Variants in MON1A observed in about 807,000 individuals in gnomAD.
MON1A encodes MON1 vesicular trafficking associated A.
MON1A carries 29 observed loss-of-function variants against 44.6 expected under a neutral mutation model. The observed-to-expected ratio is 0.65, with a 90% CI of 0.48 to 0.89. The LOEUF (loss-of-function observed/expected upper bound fraction) is 0.89. Ranked by LOEUF, MON1A falls within the 40% of genes least tolerant of loss-of-function variation. MON1A has a pLI of 0.00. For synonymous variants in MON1A, 275 were observed against 316.4 expected, an observed-to-expected ratio of 0.87 and a Z score of 1.39; for missense variants, 615 against 759.6, an observed-to-expected ratio of 0.81 and a Z score of 2.24.
At chr3:49,917,170 C>T (rs1470445602) in intron 1 of MON1A, among the ~76,000 whole-genome samples, 1 of 152,186 alleles carries the variant, frequency 6.6e-6, no homozygotes, top group Non-Finnish European at 1.5e-5. Context: ...CCATGTTGCT[C>T]AGGCTGGTCT....
rs755432755 is a variant in MON1A at position 49,909,068 on chromosome 3, G to T, written c.1614C>A (p.Arg538=). The change falls in exon 6 of 6, where the codon CGC becomes CGA. Residue 538 remains arginine (R), a synonymous_variant. Transcript: ENST00000296473. The surrounding 1 kb of genome is among the most constrained non-coding windows in gnomAD (Gnocchi z 4.0). ...GGCGGTCTTCCTCTTTGCGGATCCA[G>T]CGCATCAGCTTATGGATGGCACTGA... ...SAVSAIHKLM[R]WIRKEEDRLF... 1.1e-5 allele frequency: 18 copies of T among 1,613,858 alleles called. No individual in the cohort carries two copies. Among genetic ancestry groups the T allele is most frequent in the Non-Finnish European group, 1.4e-5 (17 of 1,179,932 alleles).
At chr3:49,920,377 A>G (rs2082985618) in intron 1 of MON1A, among the ~76,000 whole-genome samples, 1 of 152,054 alleles carries the variant, frequency 6.6e-6, no homozygotes, top group Non-Finnish European at 1.5e-5. Flanking sequence ...TCTTCACTCA[A>G]TCCCTTGGTG....
intron 1 of MON1A, among the ~76,000 whole-genome samples, chr3:49,920,315 G>T (rs2082985058): frequency 1.3e-5 from 2 of 152,014 alleles, no homozygotes; most frequent in South Asian, 4.1e-4. Context: ...AGTCCTTTTT[G>T]CAGTTCTTAC....
chr3:49,922,501 A>AGGAGGGAAGGAGGGAGGGAG (rs1460113012), intron 1 of MON1A, among the ~76,000 whole-genome samples: 1 of 122,336 alleles, frequency 8.2e-6, no homozygotes, highest in Non-Finnish European at 1.7e-5. Context: ...GAAGGAAGGA[A>AGGAGGGAAGGAGGGAGGGAG]GGAGGGAAGG....
chr3:49,920,088 C>T (rs1328955955), intron 1 of MON1A, among the ~76,000 whole-genome samples: 2 of 152,232 alleles, frequency 1.3e-5, no homozygotes, highest in Non-Finnish European at 2.9e-5. Context: ...CTCCATTTCT[C>T]CCATTCTCTC....
At chr3:49,915,288 T>C (rs2082934025) in intron 1 of MON1A, among the ~76,000 whole-genome samples, 1 of 152,198 alleles carries the variant, frequency 6.6e-6, no homozygotes, top group South Asian at 2.1e-4. Context: ...TTAGCAAAGA[T>C]TGGAGGCCAA....
intron 1 of MON1A, among the ~76,000 whole-genome samples, chr3:49,917,980 G>A (rs934438559): frequency 2.0e-5 from 3 of 151,688 alleles, no homozygotes; most frequent in Admixed American, 1.3e-4. Flanking sequence ...CCCGGGAGGC[G>A]GAAGTTGTGG....
intron 1 of MON1A, among the ~76,000 whole-genome samples, chr3:49,918,057 C>T (rs2082962991): frequency 6.7e-6 from 1 of 148,580 alleles, no homozygotes; most frequent in African/African-American, 2.5e-5. Context: ...AACAAGAAGG[C>T]CAGGCGCGGT....
chr3:49,924,296 G>A (rs1387796175), intron 1 of MON1A, among the ~76,000 whole-genome samples: 2 of 152,114 alleles, frequency 1.3e-5, no homozygotes, highest in African/African-American at 4.8e-5. Context: ...ATGGTCTCTA[G>A]TAATCCTCAA....
In MON1A at chr3:49,910,445, GA is replaced by G; in HGVS notation, c.1052del (p.Leu351ProfsTer35). The part of the protein sequence containing the change: ...HPIDLHLLFN[L>X]ISSSSSFREG... ...CGCGAAAGGACGAGGAGGAACTAAT[GA>G]GGTTGAAGAGCAGGTGCAGGTCGAT... On this transcript the variant is annotated frameshift_variant, in exon 4 of 6. Transcript: ENST00000296473. LOFTEE classifies it high-confidence loss of function. The surrounding 1 kb of genome is among the most constrained non-coding windows in gnomAD (Gnocchi z 8.0). 1.2e-6 allele frequency: 2 copies of G among 1,614,252 alleles called. No individual in the cohort carries two copies. Among genetic ancestry groups the G allele is most frequent in the Non-Finnish European group, 1.7e-6 (2 of 1,180,044 alleles).
chr3:49,928,825 G>C (rs1419208950), intron 1 of MON1A, among the ~76,000 whole-genome samples: 1 of 152,116 alleles, frequency 6.6e-6, no homozygotes, highest in Non-Finnish European at 1.5e-5. Context: ...TTCCCTCCCT[G>C]ACAAAGGGTG....
At position 49,910,161 on chromosome 3, in the gene MON1A, C is replaced by G. The variant is rs776943755; in HGVS notation, c.1337G>C (p.Arg446Pro). 2.5e-6 allele frequency: 4 copies of G among 1,608,152 alleles called. No individual in the cohort carries two copies. The highest frequency in any genetic ancestry group is 3.4e-6 in the Non-Finnish European group (4 of 1,175,332). ...SVAQVGIPDLRHFLYKSKSSG... is the reference protein window; with the variant it reads ...SVAQVGIPDLPHFLYKSKSSG... Reference sequence around the variant, plus strand: ...GCTCTTTGACTTATAGAGGAAGTGACGCAGGTCAGGGATGCCCACTTGGGC... The same window carrying G: ...GCTCTTTGACTTATAGAGGAAGTGAGGCAGGTCAGGGATGCCCACTTGGGC... Residue 446 changes from arginine to proline, a missense_variant, in exon 4 of 6, where the codon CGT (arginine) becomes CCT (proline). By Grantham distance (103) the Arg-to-Pro change is moderately radical. Transcript: ENST00000296473. The surrounding 1 kb of genome is among the most constrained non-coding windows in gnomAD (Gnocchi z 8.0).
chr3:49,914,386 C>G (rs1332079065), intron 1 of MON1A, among the ~76,000 whole-genome samples: 1 of 150,222 alleles, frequency 6.7e-6, no homozygotes, highest in Non-Finnish European at 1.5e-5. Context: ...CCCCACCTTT[C>G]TTTTCTGAAA....
In MON1A at chr3:49,909,509, A is replaced by G; in HGVS notation, c.1380-109T>C. ...CCAGGAAGACTCTATCTTATGTCCT[A>G]CCCTCCAGGTGCTCCCTTAGGACAG... On this transcript the variant is annotated intron_variant, in intron 4 of 5. Coordinates refer to ENST00000296473, the MANE Select transcript of MON1A (RefSeq NM_032355.4). This position sits in a 1 kb window ranked among gnomAD's most constrained non-coding sequence, Gnocchi z 4.0. 7.0e-7 allele frequency: 1 copy of G among 1,438,382 alleles called. No homozygotes were observed. Among genetic ancestry groups the G allele is most frequent in the Non-Finnish European group, 9.4e-7 (1 of 1,058,824 alleles). The allele number at this position is 1,438,382 out of a possible 1,614,324, so 89.1% of individuals were successfully genotyped here. A position where few individuals can be genotyped will look rare whatever the true frequency, so the allele number is the denominator to read the frequency against.
chr3:49,924,185 T>C (rs2083029234), intron 1 of MON1A: 1 of 152,206 alleles, frequency 6.6e-6, no homozygotes, highest in African/African-American at 2.4e-5. Flanking sequence ...GTTAGCTCTA[T>C]TTCAGAATAC....
chr3:49,908,939 C>T lies in MON1A; in HGVS notation c.*75G>A. 1 of 1,506,644 alleles carries T rather than the reference C, an allele frequency of 6.6e-7. No individual in the cohort carries two copies. The highest frequency in any genetic ancestry group is 8.9e-7 in the Non-Finnish European group (1 of 1,117,648). The allele number at this position is 1,506,644 out of a possible 1,614,324, so 93.3% of individuals were successfully genotyped here. A position where few individuals can be genotyped will look rare whatever the true frequency, so the allele number is the denominator to read the frequency against. On this transcript the variant is annotated 3_prime_UTR_variant, in exon 6 of 6. Transcript: ENST00000296473. ...TGCCCGCTGGCTGGGCAAGAGAGGC[C>T]AGCCCCCATCTGGAGGCTCCTATGG...
At chr3:49,929,449 G>A in intron 1 of MON1A, 160 bp downstream of exon 1, 1 of 826,640 alleles carries the variant, frequency 1.2e-6, no homozygotes, top group Admixed American at 2.6e-5. Context: ...TCCCCAGCTG[G>A]GGACTAGCCG....
chr3:49,929,388 G>A (rs1042505635), intron 1 of MON1A: 5 of 612,358 alleles, frequency 8.2e-6, no homozygotes, highest in South Asian at 7.9e-5. Context: ...GCCCCCTACC[G>A]GATCTCGCCC....
Position 49,913,361 on chromosome 3 carries a change from T to G in MON1A, c.-13-2A>C. ...TCAGTAGCCATCCTTTGAGCTCTCCTGTGGGGCAAACAAATGCAACATCGA... is the reference window on the plus strand; with the variant it reads ...TCAGTAGCCATCCTTTGAGCTCTCCGGTGGGGCAAACAAATGCAACATCGA... On this transcript the variant is annotated splice_acceptor_variant, in intron 1 of 5. Transcript: ENST00000296473. LOFTEE classifies it low-confidence loss of function (5UTR_SPLICE). 6.2e-7 allele frequency: 1 copy of G among 1,604,348 alleles called. No individual in the cohort carries two copies. The highest frequency in any genetic ancestry group is 8.5e-7 in the Non-Finnish European group (1 of 1,172,046).
Sources: gnomAD v4.1 joint callset for allele counts (sites outside exome capture counted in the v4.1 genomes callset) on GRCh38, gnomAD v4.1.1 for gene constraint, Gnocchi (gnomAD v3.1) non-coding constraint, MANE v1.5 for transcripts, NCBI Gene and HGNC (gene_info 2026-07-23, HGNC 2026-07-21) for gene names.